CNTN4: variants seen among roughly 807,000 people sequenced by gnomAD.
CNTN4 encodes contactin 4, also known as contactin-4.
Under a neutral mutation model 122.5 loss-of-function variants are expected in CNTN4, and 77 were observed. That is an observed-to-expected ratio of 0.63 (90% CI 0.52 to 0.76). CNTN4 has a LOEUF of 0.76. Ranked by LOEUF, CNTN4 falls within the 30% of genes least tolerant of loss-of-function variation. The probability of loss-of-function intolerance (pLI) is 0.00; values close to 1 mark genes in which losing one functional copy is unlikely to be tolerated. For synonymous variants in CNTN4, 512 were observed against 447.0 expected, an observed-to-expected ratio of 1.15 and a Z score of -1.83; for missense variants, 1,256 against 1,259.1, an observed-to-expected ratio of 1.00 and a Z score of 0.04.
intron 3 of CNTN4, among the ~76,000 whole-genome samples, chr3:2,359,785 C>T (rs367693982): frequency 6.6e-5 from 10 of 152,164 alleles, no homozygotes; most frequent in African/African-American, 9.7e-5. Context: ...GTGATCCACC[C>T]GCCTCGGCCT....
intron 3 of CNTN4, among the ~76,000 whole-genome samples, chr3:2,414,408 C>T (rs1223803682): frequency 6.6e-6 from 1 of 151,758 alleles, no homozygotes. Context: ...TTTAAAAATG[C>T]CATTTTAAAA....
At chr3:2,666,941 T>C (rs1576392057) in intron 4 of CNTN4, among the ~76,000 whole-genome samples, 1 of 152,096 alleles carries the variant, frequency 6.6e-6, no homozygotes, top group African/African-American at 2.4e-5. Flanking sequence ...CATGGCTGCG[T>C]AGTATTCCAT....
At chr3:2,418,893 C>A (rs1447397266) in intron 3 of CNTN4, among the ~76,000 whole-genome samples, 1 of 151,822 alleles carries the variant, frequency 6.6e-6, no homozygotes, top group African/African-American at 2.4e-5. Flanking sequence ...TTAGAGAATC[C>A]CAGGAAAGGA....
intron 3 of CNTN4, among the ~76,000 whole-genome samples, chr3:2,497,738 A>G (rs748993266): frequency 6.6e-6 from 1 of 152,192 alleles, no homozygotes; most frequent in South Asian, 2.1e-4. Flanking sequence ...ATTCTCTCTT[A>G]TGACTTTTGA....
At chr3:2,285,911 G>T (rs1486521355) in intron 2 of CNTN4, among the ~76,000 whole-genome samples, 1 of 151,978 alleles carries the variant, frequency 6.6e-6, no homozygotes, top group Non-Finnish European at 1.5e-5. Flanking sequence ...ATTTGTAGAT[G>T]TATGTACTTA....
chr3:2,902,303 G>C (rs1559641332), intron 11 of CNTN4, among the ~76,000 whole-genome samples: 2 of 151,952 alleles, frequency 1.3e-5, no homozygotes, highest in Admixed American at 6.6e-5. Context: ...CTTCAGATTG[G>C]CCGCCACCAG....
chr3:2,819,018 A>G (rs1216969987), intron 6 of CNTN4, among the ~76,000 whole-genome samples: 1 of 152,208 alleles, frequency 6.6e-6, no homozygotes, highest in Non-Finnish European at 1.5e-5. Flanking sequence ...AAGAGTTTGC[A>G]TTCTGATAAT....
chr3:2,155,897 G>A (rs954182714), intron 2 of CNTN4, among the ~76,000 whole-genome samples: 1 of 152,316 alleles, frequency 6.6e-6, no homozygotes, highest in Non-Finnish European at 1.5e-5. Context: ...CCAGCCTACA[G>A]GAGGATTCCC....
chr3:2,759,450 C>G (rs2090487813), intron 6 of CNTN4, among the ~76,000 whole-genome samples: 1 of 152,128 alleles, frequency 6.6e-6, no homozygotes, highest in African/African-American at 2.4e-5. Flanking sequence ...CTAGCCAGTA[C>G]TTCATTTATT....
At chr3:2,314,288 T>C (rs1225003103) in intron 2 of CNTN4, among the ~76,000 whole-genome samples, 2 of 151,950 alleles carry the variant, frequency 1.3e-5, no homozygotes, top group African/African-American at 4.8e-5. Flanking sequence ...TCTAAAATTA[T>C]CCTGAAGTAC....
At chr3:2,304,730 G>GTTCT (rs760537518) in intron 2 of CNTN4, among the ~76,000 whole-genome samples, 6 of 151,332 alleles carry the variant, frequency 4.0e-5, no homozygotes, top group Admixed American at 2.0e-4. Context: ...ATAAACAGAA[G>GTTCT]GAGCTTTCTC....
At chr3:2,508,256 G>A (rs1038533774) in intron 3 of CNTN4, among the ~76,000 whole-genome samples, 4 of 152,166 alleles carry the variant, frequency 2.6e-5, no homozygotes, top group African/African-American at 9.7e-5. Context: ...GGTGCCCTGG[G>A]CAGCAATTTC....
At chr3:2,581,119 G>A (rs2079918013) in intron 4 of CNTN4, among the ~76,000 whole-genome samples, 1 of 152,166 alleles carries the variant, frequency 6.6e-6, no homozygotes, top group Non-Finnish European at 1.5e-5. Flanking sequence ...TTGGGGCTCA[G>A]GCCCAGACTT....
intron 2 of CNTN4, among the ~76,000 whole-genome samples, chr3:2,154,412 T>C (rs1423131432): frequency 6.6e-6 from 1 of 151,960 alleles, no homozygotes; most frequent in Non-Finnish European, 1.5e-5. Context: ...GATATGGTAA[T>C]TTTTCTCCTT....
At position 3,004,788 on chromosome 3, in the gene CNTN4, C is replaced by G. The variant is rs1463197943; in HGVS notation, c.1486+16316C>G. 2.6e-4 allele frequency among the ~76,000 whole-genome samples: 40 copies of G among 152,224 alleles called. 1 individual carries two copies. The highest frequency in any genetic ancestry group is 2.6e-3 in the Admixed American group (40 of 15,282). On this transcript the variant is annotated intron_variant, in intron 14 of 24. Coordinates refer to ENST00000418658, the MANE Select transcript of CNTN4 (RefSeq NM_175607.3). ...CAGTGTCTGGCCAAATGGCCGCATT[C>G]TGCTAACATCTTGTCTATGCCATTG...
At chr3:2,378,275 G>A (rs979143886) in intron 3 of CNTN4, among the ~76,000 whole-genome samples, 3 of 152,214 alleles carry the variant, frequency 2.0e-5, no homozygotes, top group Non-Finnish European at 2.9e-5. Context: ...TGCAGGCACT[G>A]CTGTTTCAGT....
chr3:2,108,672 A>G (rs146912566), intron 2 of CNTN4, among the ~76,000 whole-genome samples: 4 of 152,212 alleles, frequency 2.6e-5, no homozygotes, highest in African/African-American at 9.7e-5. Context: ...TTACAGTTTC[A>G]TCATCTGTGT....
At chr3:2,365,782 T>C (rs1243364717) in intron 3 of CNTN4, among the ~76,000 whole-genome samples, 2 of 152,192 alleles carry the variant, frequency 1.3e-5, no homozygotes, top group Non-Finnish European at 2.9e-5. Flanking sequence ...CATCCACATA[T>C]AGTGCTGAGT....
At chr3:2,906,056 A>T (rs1249552420) in intron 12 of CNTN4, among the ~76,000 whole-genome samples, 1 of 152,250 alleles carries the variant, frequency 6.6e-6, no homozygotes, top group Non-Finnish European at 1.5e-5. Flanking sequence ...ATGAACCTGG[A>T]GGACATCGTG....
Sources: allele counts gnomAD v4.1 joint callset (sites outside exome capture counted in the v4.1 genomes callset), GRCh38; gene constraint gnomAD v4.1.1; transcripts MANE v1.5; gene names NCBI Gene and HGNC (gene_info 2026-07-23, HGNC 2026-07-21).